Variants in ARHGEF10L observed in about 807,000 individuals in gnomAD.
ARHGEF10L encodes rho guanine nucleotide exchange factor 10-like protein.
Under a neutral mutation model 141.2 loss-of-function variants are expected in ARHGEF10L, and 69 were observed. That is an observed-to-expected ratio of 0.49 (90% confidence interval 0.40 to 0.60). ARHGEF10L has a LOEUF of 0.60. ARHGEF10L is among the 20% of genes least tolerant of loss of function. The probability of loss-of-function intolerance (pLI) is 0.00; values close to 1 mark genes in which losing one functional copy is unlikely to be tolerated. For synonymous variants in ARHGEF10L, 711 were observed against 718.5 expected (o/e 0.99, Z 0.17); for missense variants, 1,482 against 1,734.3 (o/e 0.85, Z 2.58).
At chr1:17,645,151 G>A (rs1213907249) in intron 21 of ARHGEF10L, among the ~76,000 whole-genome samples, 2 of 152,130 alleles carry the variant, frequency 1.3e-5, no homozygotes, top group Non-Finnish European at 2.9e-5. Flanking sequence ...CCCACTTAGC[G>A]TCAACTGGAA....
upstream of ARHGEF10L, among the ~76,000 whole-genome samples, chr1:17,537,857 A>T (rs1184351461): frequency 6.8e-6 from 1 of 146,918 alleles, no homozygotes; most frequent in African/African-American, 2.5e-5. Context: ...ATCTCTACAA[A>T]AAAAAAAAAA....
In ARHGEF10L at chr1:17,632,439, T is replaced by C. The variant is rs763014096; in HGVS notation, c.1703T>C (p.Met568Thr). 1.2e-6 allele frequency: 2 copies of C among 1,614,092 alleles called. No individual in the cohort carries two copies. The highest frequency in any genetic ancestry group is 1.1e-5 in the South Asian group (1 of 91,082). Residue 568 changes from methionine to threonine, a missense_variant, in exon 16 of 29, where the codon ATG (methionine) becomes ACG (threonine). By Grantham distance (81) the Met-to-Thr change is moderately conservative (BLOSUM62 -1). Around this residue, in one of 3 missense-constraint regions of ARHGEF10L, gnomAD observed 858 missense variants for 966.3 expected, o/e 0.89. Transcript: ENST00000361221. ...CGTCGGGTCTTCCTGCTCAACGACA[T>C]GCTTGTCTGTGCCAACATCAACTTC... ...KERRVFLLND[M>T]LVCANINFKP...
At chr1:17,551,018 C>T (rs757743329) in intron 1 of ARHGEF10L, among the ~76,000 whole-genome samples, 2 of 150,974 alleles carry the variant, frequency 1.3e-5, no homozygotes, top group Admixed American at 6.6e-5. Flanking sequence ...GAAAGAGGCC[C>T]GGAGGTGACC....
intron 27 of ARHGEF10L, among the ~76,000 whole-genome samples, chr1:17,688,721 G>C (rs886065465): frequency 6.6e-6 from 1 of 152,188 alleles, no homozygotes; most frequent in South Asian, 2.1e-4. Flanking sequence ...TGCCCAGCAG[G>C]GTTGAGCATC....
intron 26 of ARHGEF10L, among the ~76,000 whole-genome samples, chr1:17,675,392 C>T (rs1016350458): frequency 5.3e-5 from 8 of 152,184 alleles, no homozygotes; most frequent in African/African-American, 9.7e-5. Context: ...TGGCTAAGCA[C>T]GGGCAAATGG....
chr1:17,586,287 C>T (rs2079018173), intron 2 of ARHGEF10L, among the ~76,000 whole-genome samples: 1 of 152,236 alleles, frequency 6.6e-6, no homozygotes, highest in Admixed American at 6.5e-5. Context: ...GGCAAAGTGA[C>T]TTGCTCAGAA....
chr1:17,527,690 C>T, the ARHGEF10L span, among the ~76,000 whole-genome samples: 46 of 151,404 alleles, frequency 3.0e-4, no homozygotes, highest in South Asian at 4.4e-3. Flanking sequence ...TTTTTTTCTA[C>T]GCCTGAAACA....
At chr1:17,518,500 A>G in the ARHGEF10L span, among the ~76,000 whole-genome samples, 2 of 152,106 alleles carry the variant, frequency 1.3e-5, no homozygotes, top group African/African-American at 2.4e-5. Context: ...TGACAATAAG[A>G]ACTCAGTGAG....
intron 7 of ARHGEF10L, among the ~76,000 whole-genome samples, chr1:17,611,975 T>A (rs2101106123): frequency 7.1e-6 from 1 of 141,156 alleles, no homozygotes; most frequent in Non-Finnish European, 1.5e-5. Flanking sequence ...TCCCATCGGT[T>A]TGTCCATCCA....
At chr1:17,626,794 C>T (rs1299465084) in intron 14 of ARHGEF10L, among the ~76,000 whole-genome samples, 2 of 152,238 alleles carry the variant, frequency 1.3e-5, no homozygotes, top group Non-Finnish European at 2.9e-5. Context: ...CCGGCAACCA[C>T]CATTCTACCC....
In ARHGEF10L at chr1:17,697,545, G is replaced by A. The variant is rs1248193388; in HGVS notation, c.*165G>A. On this transcript the variant is annotated 3_prime_UTR_variant, in exon 29 of 29. Coordinates refer to ENST00000361221, the MANE Select transcript of ARHGEF10L (RefSeq NM_018125.4). This position sits in a 1 kb window ranked among gnomAD's most constrained non-coding sequence, Gnocchi z 4.8. The stretch of plus-strand genomic sequence containing the variant: ...TCTTGTTTTAAAAAAATTTTTTTCA[G>A]AGTGTTTTGGGGAGGAGTTTTAGGG... The A allele has an allele frequency of 1.0e-6, 1 of 969,542 alleles. No individual in the cohort carries two copies. Among genetic ancestry groups the A allele is most frequent in the South Asian group, 1.7e-5 (1 of 60,454 alleles). The allele number at this position is 969,542 out of a possible 1,614,324, so 60.1% of individuals were successfully genotyped here. A position where few individuals can be genotyped will look rare whatever the true frequency, so the allele number is the denominator to read the frequency against.
intron 1 of ARHGEF10L, among the ~76,000 whole-genome samples, chr1:17,574,148 C>T (rs947781473): frequency 6.6e-6 from 1 of 152,182 alleles, no homozygotes; most frequent in African/African-American, 2.4e-5. Flanking sequence ...CTCCCCCTTC[C>T]ACCCTGGGCC....
chr1:17,632,278 C>T lies in ARHGEF10L; in HGVS notation c.1585-43C>T, dbSNP rs199677671. On this transcript the variant is annotated intron_variant, in intron 15 of 28. Transcript: ENST00000361221. ...TGGGTCTCCGGCGCGGTAAAGCCGC[C>T]GGGCCGCGATGCTGATGCTGACCTT... 1.2e-4 allele frequency: 190 copies of T among 1,607,214 alleles called. No individual in the cohort carries two copies. The African/African-American group carries it at 1.4e-3, about 12-fold the overall frequency.
At chr1:17,688,832 C>T (rs2064835475) in intron 27 of ARHGEF10L, among the ~76,000 whole-genome samples, 1 of 152,148 alleles carries the variant, frequency 6.6e-6, no homozygotes, top group African/African-American at 2.4e-5. Context: ...AACTCCCTCC[C>T]GAGGCCCTGG....
At position 17,614,409 on chromosome 1, in the gene ARHGEF10L, G is replaced by A. The variant is rs12566590; in HGVS notation, c.726+1235G>A. Reference sequence around the variant, plus strand: ...CTGTGGGAATGGGTGGATTCGGCAGGTGTACTCGGGGACACCTTCTAGGGT... The same window carrying A: ...CTGTGGGAATGGGTGGATTCGGCAGATGTACTCGGGGACACCTTCTAGGGT... On this transcript the variant is annotated intron_variant, in intron 8 of 28. Transcript: ENST00000361221. Among the ~76,000 whole-genome samples, 444 of 152,322 alleles carry A rather than the reference G, an allele frequency of 2.9e-3. 2 individuals are homozygous for A. Among genetic ancestry groups the A allele is most frequent in the Non-Finnish European group, 4.2e-3 (287 of 68,022 alleles).
intron 1 of ARHGEF10L, among the ~76,000 whole-genome samples, chr1:17,553,169 G>A (rs536255323): frequency 2.0e-5 from 3 of 152,332 alleles, no homozygotes; most frequent in African/African-American, 7.2e-5. Context: ...CAGGGCCTCA[G>A]AGGGGGACTG....
In ARHGEF10L at chr1:17,640,210, G is replaced by A. The variant is rs770074422; in HGVS notation, c.2180G>A (p.Arg727His). 17 of 1,611,276 alleles carry A rather than the reference G, an allele frequency of 1.1e-5. No individual in the cohort carries two copies. The highest frequency in any genetic ancestry group is 2.7e-5 in the African/African-American group (2 of 74,856). Residue 727 changes from arginine to histidine, a missense_variant, in exon 21 of 29, where the codon CGC becomes CAC. Transcript: ENST00000361221. ...LLPGKPDKSG[R>H]PISFMVVFIT... ...AACCCTTCTCACCACAGGTCCGGCCGCCCCATTAGCTTCATGGTGGTTTTC... is the reference window on the plus strand; with the variant it reads ...AACCCTTCTCACCACAGGTCCGGCCACCCCATTAGCTTCATGGTGGTTTTC...
chr1:17,547,975 T>C (rs1270530188), intron 1 of ARHGEF10L, among the ~76,000 whole-genome samples: 1 of 152,190 alleles, frequency 6.6e-6, no homozygotes, highest in Non-Finnish European at 1.5e-5. Context: ...CTTTCTATGT[T>C]GGGCCTTGGG....
intron 9 of ARHGEF10L, among the ~76,000 whole-genome samples, chr1:17,618,846 T>C (rs908082539): frequency 1.1e-4 from 17 of 152,226 alleles, no homozygotes; most frequent in African/African-American, 3.6e-4. Context: ...TGTTGAACTT[T>C]TTCCCTTTAG....
Sources: allele counts gnomAD v4.1 joint callset (sites outside exome capture counted in the v4.1 genomes callset), GRCh38; gene constraint gnomAD v4.1.1; regional missense constraint gnomAD v4.1.1; non-coding constraint Gnocchi (gnomAD v3.1); transcripts MANE v1.5; gene names NCBI Gene and HGNC (gene_info 2026-07-23, HGNC 2026-07-21).